Variants in VAPB observed in about 807,000 individuals in gnomAD.
The protein encoded by VAPB is vesicle-associated membrane protein-associated protein B/C.
Under a neutral mutation model 25.6 loss-of-function variants are expected in VAPB, and 7 were observed. The observed-to-expected ratio is 0.27, with a 90% CI of 0.16 to 0.51. The LOEUF (loss-of-function observed/expected upper bound fraction) is 0.51, where lower values mean the gene tolerates loss of function less well. Among genes scored for constraint, VAPB ranks in the 20% least tolerant of loss-of-function variants. The pLI is 0.97. For missense variants in VAPB, 266 were observed against 301.3 expected, an observed-to-expected ratio of 0.88 and a Z score of 0.87; for synonymous variants, 112 against 109.2, an observed-to-expected ratio of 1.03 and a Z score of -0.16.
intron 3 of VAPB, among the ~76,000 whole-genome samples, chr20:58,435,891 C>G (rs1342927051): frequency 6.6e-6 from 1 of 152,146 alleles, no homozygotes; most frequent in Non-Finnish European, 1.5e-5. Flanking sequence ...AGGGTGTGTT[C>G]TGTTTGGCTT....
chr20:58,408,687 T>A (rs564772662), intron 1 of VAPB, among the ~76,000 whole-genome samples: 22 of 152,300 alleles, frequency 1.4e-4, no homozygotes, highest in Middle Eastern at 3.4e-3. Flanking sequence ...TGAGCATTTT[T>A]AATACCTTCA....
At chr20:58,426,015 C>A (rs142478359) in intron 2 of VAPB, among the ~76,000 whole-genome samples, 2 of 152,120 alleles carry the variant, frequency 1.3e-5, no homozygotes, top group Non-Finnish European at 2.9e-5. Context: ...GCCTCAGCTT[C>A]CCCAGTAGCT....
chr20:58,389,355 G>C lies in VAPB; in HGVS notation c.-105G>C, dbSNP rs1293123904. The C allele has an allele frequency of 8.3e-7, 1 of 1,205,858 alleles. No individual in the cohort carries two copies. The highest frequency in any genetic ancestry group is 2.1e-5 in the Admixed American group (1 of 46,970). The allele number at this position is 1,205,858 out of a possible 1,614,324, so 74.7% of individuals were successfully genotyped here. A position where few individuals can be genotyped will look rare whatever the true frequency, so the allele number is the denominator to read the frequency against. ...AGGACCCCCGCCCGTGCCCCGACCGGTCCCCGCCTTTTTGTAAAACTTAAA... is the reference window on the plus strand; with the variant it reads ...AGGACCCCCGCCCGTGCCCCGACCGCTCCCCGCCTTTTTGTAAAACTTAAA... On this transcript the variant is annotated 5_prime_UTR_variant, in exon 1 of 6. Transcript: ENST00000475243.
intron 1 of VAPB, among the ~76,000 whole-genome samples, chr20:58,399,164 G>A (rs1428841320): frequency 6.6e-6 from 1 of 152,066 alleles, no homozygotes; most frequent in Non-Finnish European, 1.5e-5. Context: ...AGCCGGGCGT[G>A]GTGGTGCATG....
In VAPB at chr20:58,450,297, AACT is replaced by A. The variant is rs1272053271; in HGVS notation, c.*6066_*6068del. The A allele has an allele frequency of 8.8e-6, 4 of 453,802 alleles. No individual in the cohort carries two copies. The highest frequency in any genetic ancestry group is 8.0e-5 in the African/African-American group (4 of 49,966). The allele number at this position is 453,802 out of a possible 1,614,324, so 28.1% of individuals were successfully genotyped here. ...GTGATATTGAGACCATGTGTACAAG[AACT>A]ACTTTTTGCTTTTCATCATTCACTC... On this transcript the variant is annotated 3_prime_UTR_variant, in exon 6 of 6. Transcript: ENST00000475243.
chr20:58,446,846 G>A lies in VAPB; in HGVS notation c.*2611G>A, dbSNP rs755478871. 3.3e-5 allele frequency: 15 copies of A among 453,950 alleles called. No individual in the cohort carries two copies. Among genetic ancestry groups the A allele is most frequent in the East Asian group, 6.9e-5 (1 of 14,406 alleles). 28.1% of individuals were successfully genotyped at this position (453,950 alleles called of 1,614,324 possible). A position where few individuals can be genotyped will look rare whatever the true frequency, so the allele number is the denominator to read the frequency against. ...GGAAAAGAAAGAATGTGGAGCACGC[G>A]TGGCTCCTGGAGGACTTGGAGATGC... On this transcript the variant is annotated 3_prime_UTR_variant, in exon 6 of 6. Transcript: ENST00000475243.
rs1361565665 is a variant in VAPB at position 58,389,380 on chromosome 20, A to G, written c.-80A>G. On this transcript the variant is annotated 5_prime_UTR_variant, in exon 1 of 6. Coordinates refer to ENST00000475243, the MANE Select transcript of VAPB (RefSeq NM_004738.5). ...GTCCCCGCCTTTTTGTAAAACTTAA[A>G]GCGGGCGCAGCATTAACGCTTCCCG... 5 of 1,488,754 alleles carry G rather than the reference A, an allele frequency of 3.4e-6. No homozygotes were observed. The highest frequency in any genetic ancestry group is 3.6e-6 in the Non-Finnish European group (4 of 1,097,812). 92.2% of individuals were successfully genotyped at this position (1,488,754 alleles called of 1,614,324 possible).
At position 58,389,423 on chromosome 20, in the gene VAPB, G is replaced by T; in HGVS notation, c.-37G>T. On this transcript the variant is annotated 5_prime_UTR_variant, in exon 1 of 6. Transcript: ENST00000475243. ...GCTTCCCGCCCCGGTGACCTCTCAGGGGTCTCCCCGCCAAAGGTGCTCCGC... is the reference window on the plus strand; with the variant it reads ...GCTTCCCGCCCCGGTGACCTCTCAGTGGTCTCCCCGCCAAAGGTGCTCCGC... 1 of 1,572,972 alleles carries T rather than the reference G, an allele frequency of 6.4e-7. No homozygotes were observed. Among genetic ancestry groups the T allele is most frequent in the East Asian group, 2.4e-5 (1 of 42,422 alleles).
chr20:58,441,111 AG>A (rs760498051), intron 5 of VAPB, 28 bp downstream of exon 5: 1 of 1,611,938 alleles, frequency 6.2e-7, no homozygotes, highest in Non-Finnish European at 8.5e-7. Flanking sequence ...GGTAATCTAC[AG>A]AAAACAAGGG....
At chr20:58,403,107 G>A (rs986507494) in intron 1 of VAPB, among the ~76,000 whole-genome samples, 4 of 152,296 alleles carry the variant, frequency 2.6e-5, no homozygotes, top group Non-Finnish European at 4.4e-5. Flanking sequence ...ATGTACAGCC[G>A]ATCGATGTAG....
At chr20:58,436,676 A>G (rs1338949547) in intron 3 of VAPB, among the ~76,000 whole-genome samples, 1 of 152,130 alleles carries the variant, frequency 6.6e-6, no homozygotes, top group East Asian at 1.9e-4. Context: ...ATATACAGAA[A>G]GTTGAAAAAA....
At chr20:58,425,346 TG>T (rs1317902326) in intron 2 of VAPB, among the ~76,000 whole-genome samples, 1 of 151,896 alleles carries the variant, frequency 6.6e-6, no homozygotes, top group Non-Finnish European at 1.5e-5. Flanking sequence ...AGCCAGCTGG[TG>T]GGGGTAAAGA....
rs1251531910 is a variant in VAPB at position 58,450,366 on chromosome 20, C to T, written c.*6131C>T. 6.6e-6 allele frequency: 3 copies of T among 453,984 alleles called. No individual in the cohort carries two copies. Among genetic ancestry groups the T allele is most frequent in the Non-Finnish European group, 1.3e-5 (3 of 226,790 alleles). The allele number at this position is 453,984 out of a possible 1,614,324, so 28.1% of individuals were successfully genotyped here. On this transcript the variant is annotated 3_prime_UTR_variant, in exon 6 of 6. Transcript: ENST00000475243. ...GTAAGTACCCTCTGTCTGTTTGCTA[C>T]TATATGAGGTGCTGCGAAATTAGTG...
chr20:58,404,256 C>A (rs1373944656), intron 1 of VAPB, among the ~76,000 whole-genome samples: 20 of 152,182 alleles, frequency 1.3e-4, no homozygotes, highest in Admixed American at 1.1e-3. Flanking sequence ...CAGCAAAACT[C>A]TTCAGAGTCA....
chr20:58,444,336 A>C lies in VAPB; in HGVS notation c.*101A>C. 6.4e-7 allele frequency: 1 copy of C among 1,568,190 alleles called. No individual in the cohort carries two copies. On this transcript the variant is annotated 3_prime_UTR_variant, in exon 6 of 6. Transcript: ENST00000475243. ...TGTAAAAAGAAATTAATGTATGATG[A>C]CATCTCACAGGTCTTGCCTTTAAAT...
chr20:58,438,082 C>T (rs1202837335), intron 3 of VAPB, among the ~76,000 whole-genome samples: 1 of 152,116 alleles, frequency 6.6e-6, no homozygotes, highest in Non-Finnish European at 1.5e-5. Context: ...GGAAGGTGCT[C>T]TCACTACAGC....
intron 2 of VAPB, among the ~76,000 whole-genome samples, chr20:58,423,228 A>G (rs1444778847): frequency 1.3e-5 from 2 of 151,940 alleles, no homozygotes; most frequent in African/African-American, 2.4e-5. Flanking sequence ...CCTGACCAAC[A>G]TGGAGAAACC....
intron 5 of VAPB, among the ~76,000 whole-genome samples, chr20:58,441,819 C>T (rs561296533): frequency 1.9e-3 from 290 of 152,294 alleles, no homozygotes; most frequent in African/African-American, 6.7e-3. Context: ...AAGTATAGTT[C>T]TGATTTTAGA....
rs149064977 is a variant in VAPB, at chr20:58,408,138, A to G, written c.59-10073A>G. Among the ~76,000 whole-genome samples, 9 of 152,260 alleles carry G rather than the reference A, an allele frequency of 5.9e-5. No homozygotes were observed. In the East Asian group the frequency reaches 1.4e-3, roughly 23 times the overall value. ...GCACCCTGCAAGTCTGGTATAGTCT[A>G]TTTCAATCAAGTTGGCTTCTGGTGT... is the stretch of plus-strand genomic sequence containing the variant. On this transcript the variant is annotated intron_variant, in intron 1 of 5. Coordinates refer to ENST00000475243, the MANE Select transcript of VAPB (RefSeq NM_004738.5).
Sources: gnomAD v4.1 joint callset for allele counts (sites outside exome capture counted in the v4.1 genomes callset) on GRCh38, gnomAD v4.1.1 for gene constraint, MANE v1.5 for transcripts, NCBI Gene and HGNC (gene_info 2026-07-23, HGNC 2026-07-21) for gene names.